The following UTP20 variants were observed in gnomAD, a reference collection of about 807,000 sequenced individuals.
The protein encoded by UTP20 is small subunit processome component 20 homolog.
A neutral mutation model predicts 329.5 loss-of-function variants in UTP20; 164 were observed. The ratio of observed to expected loss-of-function variants is 0.50; its 90% CI spans 0.44 to 0.57. The LOEUF (loss-of-function observed/expected upper bound fraction) is 0.57, where lower values mean the gene tolerates loss of function less well. UTP20 is among the 20% of genes least tolerant of loss of function. The pLI is 0.00. For missense variants in UTP20, 3,055 were observed against 3,284.2 expected (o/e 0.93, Z 1.71); for synonymous variants, 1,151 against 1,159.3 (o/e 0.99, Z 0.14).
intron 12 of UTP20, among the ~76,000 whole-genome samples, chr12:101,297,686 T>G (rs746148687): frequency 5.9e-5 from 9 of 152,222 alleles, no homozygotes; most frequent in Non-Finnish European, 1.2e-4. Flanking sequence ...CCTTGATTTG[T>G]CAACACCCAA....
chr12:101,368,490 A>G (rs1027546521), intron 48 of UTP20, among the ~76,000 whole-genome samples: 3 of 152,060 alleles, frequency 2.0e-5, no homozygotes, highest in Non-Finnish European at 4.4e-5. Context: ...TATTTGCTAC[A>G]TTAAATCACT....
At chr12:101,294,630 C>G (rs1057141144) in intron 11 of UTP20, among the ~76,000 whole-genome samples, 1 of 151,348 alleles carries the variant, frequency 6.6e-6, no homozygotes, top group Non-Finnish European at 1.5e-5. Context: ...GCAACCTCCA[C>G]CCTCCGGGTT....
In UTP20 at chr12:101,306,756, A is replaced by G. The variant is rs749292591; in HGVS notation, c.1990A>G (p.Met664Val). The change falls in exon 17 of 62, where the codon ATG becomes GTG. Residue 664 changes from methionine (M) to valine (V), a missense_variant. Met to Val is a conservative substitution (Grantham distance 21, BLOSUM62 1). Transcript: ENST00000261637. ...TTTTGATGTCCAGCTTCCAGAATCA[A>G]TGGAGGTATTTTAACTGTTTGAGTG... is the stretch of plus-strand genomic sequence containing the variant. ...NHFDVQLPES[M>V]EDDGLSERQS... 5.6e-6 allele frequency: 9 copies of G among 1,605,068 alleles called. No individual in the cohort carries two copies. Among genetic ancestry groups the G allele is most frequent in the South Asian group, 2.2e-5 (2 of 88,954 alleles).
At chr12:101,335,084 A>T (rs748905356) in intron 29 of UTP20, among the ~76,000 whole-genome samples, 5 of 152,194 alleles carry the variant, frequency 3.3e-5, no homozygotes, top group African/African-American at 1.2e-4. Context: ...GTCCAGAAGG[A>T]CACATGAGAA....
intron 38 of UTP20, among the ~76,000 whole-genome samples, chr12:101,347,953 T>G (rs1460149738): frequency 6.6e-6 from 1 of 152,036 alleles, no homozygotes; most frequent in Admixed American, 6.6e-5. Flanking sequence ...CTCAGCCTCC[T>G]GAGTAGCTGG....
At chr12:101,368,030 T>C in intron 48 of UTP20, 54 bp downstream of exon 48, 1 of 1,268,616 alleles carries the variant, frequency 7.9e-7, no homozygotes, top group Non-Finnish European at 1.2e-6. Context: ...AGAAGAACTA[T>C]GTTTTGCAGA....
rs376351923 is a variant in UTP20, at chr12:101,309,806, G to A, written c.2198G>A (p.Ser733Asn). Residue 733 changes from serine to asparagine, a missense_variant, in exon 19 of 62, where the codon AGT (serine) becomes AAT (asparagine). Physicochemically the swap from Ser to Asn is conservative, Grantham distance 46. Coordinates refer to ENST00000261637, the MANE Select transcript of UTP20 (RefSeq NM_014503.3). Reference protein sequence around the residue: ...YLLGMLYINFSALWDPVIELI... With the variant: ...YLLGMLYINFNALWDPVIELI... ...TTAGGCATGCTATATATTAATTTCAGTGCACTCTGGGATCCTGTTATTGAA... is the reference window on the plus strand; with the variant it reads ...TTAGGCATGCTATATATTAATTTCAATGCACTCTGGGATCCTGTTATTGAA... The A allele has an allele frequency of 3.7e-6, 6 of 1,613,586 alleles. No individual in the cohort carries two copies. The highest frequency in any genetic ancestry group is 2.2e-5 in the East Asian group (1 of 44,868).
At chr12:101,337,365 G>C (rs1868967266) in intron 29 of UTP20, among the ~76,000 whole-genome samples, 1 of 152,176 alleles carries the variant, frequency 6.6e-6, no homozygotes, top group East Asian at 1.9e-4. Context: ...GATTGTTTCT[G>C]TTTGACCTTC....
intron 5 of UTP20, among the ~76,000 whole-genome samples, chr12:101,287,768 TTATTG>T (rs1334142275): frequency 2.6e-5 from 4 of 152,230 alleles, no homozygotes; most frequent in Non-Finnish European, 5.9e-5. Flanking sequence ...CAGTCAATAT[TTATTG>T]GACACTGTCT....
intron 41 of UTP20, among the ~76,000 whole-genome samples, chr12:101,356,195 C>T (rs531710379): frequency 1.3e-5 from 2 of 152,282 alleles, no homozygotes; most frequent in Admixed American, 6.5e-5. Context: ...GGCACGATCT[C>T]GGCTCACCAC....
At chr12:101,328,680 C>G (rs1183114823) in intron 26 of UTP20, among the ~76,000 whole-genome samples, 2 of 151,918 alleles carry the variant, frequency 1.3e-5, no homozygotes, top group African/African-American at 4.8e-5. Flanking sequence ...ACCAGCCTGG[C>G]CAACATGGTG....
At chr12:101,375,008 A>T in intron 55 of UTP20, 69 bp downstream of exon 55, 1 of 1,101,226 alleles carries the variant, frequency 9.1e-7, no homozygotes, top group Admixed American at 1.9e-5. Flanking sequence ...TAGCTAACAG[A>T]TTAGATATCA....
Position 101,362,152 on chromosome 12 carries a change from A to G in UTP20, c.5790+92A>G, listed in dbSNP as rs1869948138. On this transcript the variant is annotated intron_variant, in intron 44 of 61. Transcript: ENST00000261637. ...ACCAAATAAGAAATAATAATAGCCC[A>G]TAAAAATGAAAATAATGTAACACCT... 5.4e-6 allele frequency: 5 copies of G among 928,880 alleles called. No individual in the cohort carries two copies. The South Asian group carries it at 5.8e-5, about 11-fold the overall frequency. The allele number at this position is 928,880 out of a possible 1,614,324, so 57.5% of individuals were successfully genotyped here.
At chr12:101,378,118 A>G (rs1031674810) in intron 56 of UTP20, among the ~76,000 whole-genome samples, 1 of 152,214 alleles carries the variant, frequency 6.6e-6, no homozygotes, top group African/African-American at 2.4e-5. Flanking sequence ...ATGCTGAAGA[A>G]TTAAGAGTTT....
At chr12:101,360,605 A>C (rs1289550733) in intron 43 of UTP20, among the ~76,000 whole-genome samples, 1 of 152,152 alleles carries the variant, frequency 6.6e-6, no homozygotes, top group African/African-American at 2.4e-5. Flanking sequence ...CGGGCAGATC[A>C]CTTGAGGTCA....
In UTP20 at chr12:101,362,080, A is replaced by G. The variant is rs1160736980; in HGVS notation, c.5790+20A>G. 6.3e-7 allele frequency: 1 copy of G among 1,590,966 alleles called. No individual in the cohort carries two copies. The highest frequency in any genetic ancestry group is 8.6e-7 in the Non-Finnish European group (1 of 1,164,338). On this transcript the variant is annotated intron_variant, in intron 44 of 61. Transcript: ENST00000261637. ...ATTGAGGTAAGACTTACAGAAACGA[A>G]TTCTAATTTTTTTTTAAGTGGGCCA...
At chr12:101,348,813 G>A (rs1869419918) in intron 38 of UTP20, among the ~76,000 whole-genome samples, 1 of 136,148 alleles carries the variant, frequency 7.3e-6, no homozygotes, top group Non-Finnish European at 1.5e-5. Context: ...CTGGCCTCAA[G>A]CAACCATCCC....
chr12:101,335,073 T>G (rs1308085966), intron 29 of UTP20, among the ~76,000 whole-genome samples: 1 of 152,164 alleles, frequency 6.6e-6, no homozygotes, highest in African/African-American at 2.4e-5. Flanking sequence ...AAATAGAAAC[T>G]GTCCAGAAGG....
intron 31 of UTP20, among the ~76,000 whole-genome samples, chr12:101,340,122 A>G (rs1475309208): frequency 6.6e-6 from 1 of 152,182 alleles, no homozygotes; most frequent in African/African-American, 2.4e-5. Context: ...GATGATTCCT[A>G]TATTGCAGGG....
Sources: allele counts gnomAD v4.1 joint callset (sites outside exome capture counted in the v4.1 genomes callset), GRCh38; gene constraint gnomAD v4.1.1; transcripts MANE v1.5; gene names NCBI Gene and HGNC (gene_info 2026-07-23, HGNC 2026-07-21).